The following PRKCQ variants were observed in gnomAD, a reference collection of about 807,000 sequenced individuals.
PRKCQ encodes the protein protein kinase C theta, also known as protein kinase C theta type.
Under a neutral mutation model 91.2 loss-of-function variants are expected in PRKCQ, and 41 were observed. The observed-to-expected ratio is 0.45, with a 90% CI of 0.35 to 0.58. The LOEUF (loss-of-function observed/expected upper bound fraction) is 0.58. Ranked by LOEUF, PRKCQ falls within the 20% of genes least tolerant of loss-of-function variation. The pLI, the probability that PRKCQ is intolerant of heterozygous loss-of-function variation, is 0.00. For missense variants in PRKCQ, 673 were observed against 896.5 expected (o/e 0.75, Z 3.18); for synonymous variants, 307 against 316.9 (o/e 0.97, Z 0.33).
At chr10:6,549,401 G>A (rs1840093938) in intron 1 of PRKCQ, among the ~76,000 whole-genome samples, 1 of 152,134 alleles carries the variant, frequency 6.6e-6, no homozygotes, top group Non-Finnish European at 1.5e-5. Context: ...AGAAGTCTGG[G>A]CAAGATACTC....
At position 6,500,032 on chromosome 10, in the gene PRKCQ, G is replaced by A. The variant is rs116678605; in HGVS notation, c.380-1474C>T. ...AACCCTCTAACAGTTCCACAGATGGGACATAATACTTTGCCTAATACTTTA... is the reference window on the plus strand; with the variant it reads ...AACCCTCTAACAGTTCCACAGATGGAACATAATACTTTGCCTAATACTTTA... On this transcript the variant is annotated intron_variant, in intron 4 of 17. Transcript: ENST00000263125. 2.2e-3 allele frequency among the ~76,000 whole-genome samples: 341 copies of A among 152,308 alleles called. 3 individuals carry two copies. The highest frequency in any genetic ancestry group is 8.0e-3 in the African/African-American group (331 of 41,570).
At chr10:6,395,192 T>G in the PRKCQ span, among the ~76,000 whole-genome samples, 1 of 151,312 alleles carries the variant, frequency 6.6e-6, no homozygotes, top group Non-Finnish European at 1.5e-5. Flanking sequence ...GCCTCCCGAG[T>G]AGCTGGGACT....
intron 15 of PRKCQ, among the ~76,000 whole-genome samples, chr10:6,442,402 C>A (rs1465169858): frequency 6.6e-6 from 1 of 152,142 alleles, no homozygotes; most frequent in African/African-American, 2.4e-5. Context: ...AGATATTGGA[C>A]CTAAGAAAGC....
chr10:6,435,249 G>A (rs1482708140), intron 16 of PRKCQ, among the ~76,000 whole-genome samples: 2 of 152,252 alleles, frequency 1.3e-5, no homozygotes, highest in Admixed American at 6.5e-5. Flanking sequence ...ATGGCAACGG[G>A]TCTGGCACTG....
intron 11 of PRKCQ, among the ~76,000 whole-genome samples, chr10:6,482,837 A>C (rs1263118611): frequency 6.6e-6 from 1 of 151,858 alleles, no homozygotes; most frequent in Non-Finnish European, 1.5e-5. Context: ...CTCTTTATAA[A>C]ATCATCAGAT....
Position 6,445,263 on chromosome 10 carries a change from C to T in PRKCQ, c.1648-3182G>A, listed in dbSNP as rs187353605. 4.8e-3 allele frequency among the ~76,000 whole-genome samples: 729 copies of T among 152,190 alleles called. 4 individuals are homozygous for T. Among genetic ancestry groups the T allele is most frequent in the African/African-American group, 0.016 (673 of 41,500 alleles). ...CCCCATCCCTGACCCTCCACCACCC[C>T]GGGGCCCACTCCTGGGAGACAGATC... is the stretch of plus-strand genomic sequence containing the variant. On this transcript the variant is annotated intron_variant, in intron 15 of 17. Coordinates refer to ENST00000263125, the MANE Select transcript of PRKCQ (RefSeq NM_006257.5).
chr10:6,513,798 G>C (rs1838614198), intron 2 of PRKCQ, among the ~76,000 whole-genome samples: 1 of 152,174 alleles, frequency 6.6e-6, no homozygotes, highest in Non-Finnish European at 1.5e-5. Flanking sequence ...CCCAGAATCT[G>C]AACTCTGAGC....
intron 10 of PRKCQ, 73 bp from the exon 11 acceptor site, chr10:6,483,673 C>CTTTCT: frequency 6.5e-7 from 1 of 1,534,094 alleles, no homozygotes; most frequent in Non-Finnish European, 8.9e-7. Context: ...AGAGCACATG[C>CTTTCT]TTTCTCTTCT....
chr10:6,566,943 C>T (rs1840858101), intron 1 of PRKCQ, among the ~76,000 whole-genome samples: 1 of 152,056 alleles, frequency 6.6e-6, no homozygotes, highest in Admixed American at 6.6e-5. Flanking sequence ...GTTTGGAAAC[C>T]TTCATATTGG....
chr10:6,530,687 T>C (rs12358641), intron 1 of PRKCQ, among the ~76,000 whole-genome samples: 32 of 152,224 alleles, frequency 2.1e-4, no homozygotes, highest in Non-Finnish European at 4.1e-4. Flanking sequence ...TCACATCCAG[T>C]TGCAGTCAGA....
At chr10:6,450,710 A>T (rs1834620121) in intron 15 of PRKCQ, among the ~76,000 whole-genome samples, 1 of 152,168 alleles carries the variant, frequency 6.6e-6, no homozygotes. Context: ...AAAGAACAGA[A>T]ATTATAACAA....
rs540614405 is a variant in PRKCQ at position 6,440,996 on chromosome 10, A to C, written c.1836+897T>G. ...GAGTGAGACTGTCTCAAAAAAGAAA[A>C]AAGTTATGTGATGAATAATATCCCA... On this transcript the variant is annotated intron_variant, in intron 16 of 17. Coordinates refer to ENST00000263125, the MANE Select transcript of PRKCQ (RefSeq NM_006257.5). 6.6e-5 allele frequency among the ~76,000 whole-genome samples: 10 copies of C among 152,236 alleles called. No individual in the cohort carries two copies. The South Asian group carries it at 2.1e-3, about 32-fold the overall frequency.
chr10:6,429,325 AATTTTT>A (rs1442125897), intron 17 of PRKCQ, among the ~76,000 whole-genome samples: 1 of 152,190 alleles, frequency 6.6e-6, no homozygotes, highest in East Asian at 1.9e-4. Context: ...AACAAGGTAA[AATTTTT>A]ATTTTATCAC....
At chr10:6,444,473 T>C (rs1222657573) in intron 15 of PRKCQ, among the ~76,000 whole-genome samples, 1 of 152,026 alleles carries the variant, frequency 6.6e-6, no homozygotes, top group Non-Finnish European at 1.5e-5. Flanking sequence ...GCACATAAAA[T>C]TTTTTTTAAT....
the PRKCQ span, among the ~76,000 whole-genome samples, chr10:6,402,056 A>T: frequency 6.6e-6 from 1 of 152,156 alleles, no homozygotes; most frequent in African/African-American, 2.4e-5. Context: ...CAGACGCTGC[A>T]AAGAAGCTGG....
chr10:6,439,296 G>C (rs1411227237), intron 16 of PRKCQ, among the ~76,000 whole-genome samples: 3 of 152,210 alleles, frequency 2.0e-5, no homozygotes, highest in Non-Finnish European at 4.4e-5. Context: ...GAATTCTGGA[G>C]ATTGCTGCTA....
intron 1 of PRKCQ, among the ~76,000 whole-genome samples, chr10:6,519,893 T>C (rs1838931916): frequency 6.6e-6 from 1 of 152,192 alleles, no homozygotes; most frequent in African/African-American, 2.4e-5. Flanking sequence ...AAAACCAGCC[T>C]GCACTTTCCC....
At chr10:6,519,637 C>G (rs1012337556) in intron 1 of PRKCQ, among the ~76,000 whole-genome samples, 3 of 152,152 alleles carry the variant, frequency 2.0e-5, no homozygotes, top group African/African-American at 7.2e-5. Flanking sequence ...CCAGTTTCAG[C>G]AGCTTACAGG....
intron 8 of PRKCQ, among the ~76,000 whole-genome samples, chr10:6,488,773 T>A (rs913451086): frequency 1.3e-5 from 2 of 152,084 alleles, no homozygotes; most frequent in Admixed American, 1.3e-4. Context: ...ATATTTAAAA[T>A]CTTTGTTGTT....
Sources: gnomAD v4.1 joint callset for allele counts (sites outside exome capture counted in the v4.1 genomes callset) on GRCh38, gnomAD v4.1.1 for gene constraint, MANE v1.5 for transcripts, NCBI Gene and HGNC (gene_info 2026-07-23, HGNC 2026-07-21) for gene names.